The following TBX5 variants were observed in gnomAD, a reference collection of about 807,000 sequenced individuals.
The protein encoded by TBX5 is T-box transcription factor TBX5.
Under a neutral mutation model 51.1 loss-of-function variants are expected in TBX5, and 8 were observed. That is an observed-to-expected ratio of 0.16 (90% CI 0.09 to 0.28). The LOEUF (loss-of-function observed/expected upper bound fraction) is 0.28, where lower values mean the gene tolerates loss of function less well. Among genes scored for constraint, TBX5 ranks in the 10% least tolerant of loss-of-function variants. The pLI, the probability that TBX5 is intolerant of heterozygous loss-of-function variation, is 1.00. For missense variants in TBX5, 589 were observed against 671.7 expected, an observed-to-expected ratio of 0.88 and a Z score of 1.36; for synonymous variants, 302 against 266.4, an observed-to-expected ratio of 1.13 and a Z score of -1.30.
intron 8 of TBX5, among the ~76,000 whole-genome samples, chr12:114,365,168 A>ATGTGTGTG (rs10536626): frequency 2.7e-5 from 4 of 147,558 alleles, no homozygotes; most frequent in East Asian, 4.0e-4. Context: ...ATCATTTGTG[A>ATGTGTGTG]TGTGTGTGTG....
At chr12:114,360,042 A>C (rs1330117497) in intron 8 of TBX5, among the ~76,000 whole-genome samples, 1 of 152,196 alleles carries the variant, frequency 6.6e-6, no homozygotes, top group Non-Finnish European at 1.5e-5. Flanking sequence ...TTTAAATACT[A>C]ATCCTATTGA....
chr12:114,402,134 G>T (rs1871856657), intron 2 of TBX5, among the ~76,000 whole-genome samples: 1 of 152,210 alleles, frequency 6.6e-6, no homozygotes, highest in Admixed American at 6.5e-5. Flanking sequence ...CCTGAGGGTT[G>T]CAACAACCAC....
At chr12:114,371,042 A>G (rs1388782105) in intron 7 of TBX5, among the ~76,000 whole-genome samples, 3 of 152,164 alleles carry the variant, frequency 2.0e-5, no homozygotes, top group Non-Finnish European at 4.4e-5. Flanking sequence ...ATGCTTAATA[A>G]TAAGCAATTG....
chr12:114,377,853 A>C (rs540507506), intron 7 of TBX5, among the ~76,000 whole-genome samples: 2 of 152,242 alleles, frequency 1.3e-5, no homozygotes, highest in South Asian at 4.2e-4. Context: ...AAAAATAAGC[A>C]CCCACAGAGG....
At chr12:114,405,329 C>A (rs1018802571) in intron 1 of TBX5, among the ~76,000 whole-genome samples, 2 of 152,174 alleles carry the variant, frequency 1.3e-5, no homozygotes, top group Non-Finnish European at 2.9e-5. Flanking sequence ...CTGCCGGCCG[C>A]GGGGAGAATC....
chr12:114,370,312 G>GAA (rs1441779028), intron 7 of TBX5, among the ~76,000 whole-genome samples: 15 of 117,946 alleles, frequency 1.3e-4, no homozygotes, highest in Non-Finnish European at 2.2e-4. Flanking sequence ...GAAAAGAAAA[G>GAA]AAAGAAAAGA....
intron 7 of TBX5, among the ~76,000 whole-genome samples, chr12:114,372,748 G>A (rs1473955582): frequency 6.6e-6 from 1 of 152,054 alleles, no homozygotes; most frequent in Non-Finnish European, 1.5e-5. Context: ...TGTTAAATCT[G>A]TAGATAATAT....
At chr12:114,384,341 T>G (rs900089355) in intron 7 of TBX5, among the ~76,000 whole-genome samples, 10 of 151,978 alleles carry the variant, frequency 6.6e-5, no homozygotes, top group African/African-American at 2.4e-4. Context: ...AGTAGTGTGA[T>G]CATAGCTCAC....
At chr12:114,358,769 G>A (rs569230234) in intron 8 of TBX5, among the ~76,000 whole-genome samples, 8 of 142,502 alleles carry the variant, frequency 5.6e-5, no homozygotes, top group South Asian at 2.4e-4. Context: ...TTAACTGTGC[G>A]GGGTTTTTTT....
intron 8 of TBX5, 89 bp downstream of exon 8, chr12:114,366,075 TA>T: frequency 2.3e-6 from 3 of 1,296,998 alleles, no homozygotes; most frequent in Non-Finnish European, 3.4e-6. Context: ...ATAAAGTAAA[TA>T]AATGAATACT....
At chr12:114,375,189 G>A (rs1355055268) in intron 7 of TBX5, among the ~76,000 whole-genome samples, 1 of 152,300 alleles carries the variant, frequency 6.6e-6, no homozygotes, top group East Asian at 1.9e-4. Context: ...ACAATCACGT[G>A]TTCATCTGCA....
At chr12:114,374,645 G>A (rs1310604075) in intron 7 of TBX5, among the ~76,000 whole-genome samples, 1 of 152,196 alleles carries the variant, frequency 6.6e-6, no homozygotes, top group Non-Finnish European at 1.5e-5. Context: ...ATTTTCTGGG[G>A]TGATGGGAAT....
intron 5 of TBX5, among the ~76,000 whole-genome samples, chr12:114,396,340 A>T (rs1208248158): frequency 6.6e-6 from 1 of 152,014 alleles, no homozygotes; most frequent in Non-Finnish European, 1.5e-5. Flanking sequence ...CGGCGGGGCC[A>T]TCGGCCCGGC....
rs557758851 is a variant in TBX5, at chr12:114,355,776, C to T, written c.1313G>A (p.Arg438Gln). 364 of 1,614,086 alleles carry T rather than the reference C, an allele frequency of 2.3e-4. 7 individuals are homozygous for T. The South Asian group carries it at 3.6e-3, about 16-fold the overall frequency. Reference sequence around the variant, plus strand: ...GCCATGGTTGGCCATGCCAGCCAGCCGAGGGACCAGGGGCCCCGAGGTGAA... The same window carrying T: ...GCCATGGTTGGCCATGCCAGCCAGCTGAGGGACCAGGGGCCCCGAGGTGAA... ...AHFTSGPLVP[R>Q]LAGMANHGSP... Residue 438 changes from arginine (R) to glutamine (Q), a missense_variant, in exon 9 of 9, where the codon CGG (arginine) becomes CAG (glutamine). By Grantham distance (43) the Arg-to-Gln change is conservative. Transcript: ENST00000405440.
chr12:114,372,402 T>A (rs1869959055), intron 7 of TBX5, among the ~76,000 whole-genome samples: 1 of 152,004 alleles, frequency 6.6e-6, no homozygotes, highest in Non-Finnish European at 1.5e-5. Flanking sequence ...GCTCCTGGGC[T>A]CAAGGGGTCC....
chr12:114,394,666 C>G, intron 6 of TBX5, 75 bp downstream of exon 6: 2 of 1,603,128 alleles, frequency 1.2e-6, no homozygotes, highest in Non-Finnish European at 1.7e-6. Flanking sequence ...AAAGTTCCAG[C>G]AGGAAAACCT....
At chr12:114,400,721 G>C (rs367732059) in intron 3 of TBX5, among the ~76,000 whole-genome samples, 2 of 152,230 alleles carry the variant, frequency 1.3e-5, no homozygotes, top group Admixed American at 6.5e-5. Flanking sequence ...GGACTCGGAC[G>C]TGTCTTTCCT....
intron 7 of TBX5, among the ~76,000 whole-genome samples, chr12:114,369,493 A>C (rs1869735466): frequency 1.3e-5 from 2 of 152,220 alleles, no homozygotes; most frequent in South Asian, 4.1e-4. Context: ...CAAGTGTCAA[A>C]ATATGGGCAT....
At chr12:114,408,139 GT>G (rs1247702082), upstream of TBX5, 1 of 985,430 alleles carries the variant, frequency 1.0e-6, no homozygotes, top group East Asian at 1.1e-4. Flanking sequence ...GCGCTGTCAC[GT>G]TTGGCTGGGG....
Sources: gnomAD v4.1 joint callset for allele counts (sites outside exome capture counted in the v4.1 genomes callset) on GRCh38, gnomAD v4.1.1 for gene constraint, MANE v1.5 for transcripts, NCBI Gene and HGNC (gene_info 2026-07-23, HGNC 2026-07-21) for gene names.